RASA2: variants seen among roughly 807,000 people sequenced by gnomAD.
RASA2 encodes the protein RAS p21 protein activator 2.
RASA2 carries 155 observed loss-of-function variants against 118.2 expected under a neutral mutation model. The observed-to-expected ratio is 1.31, with a 90% CI of 1.15 to 1.50. The LOEUF (loss-of-function observed/expected upper bound fraction) is 1.50, where lower values mean the gene tolerates loss of function less well. RASA2 is among the 40% of genes most tolerant of loss of function. The pLI, the probability that RASA2 is intolerant of heterozygous loss-of-function variation, is 0.00. For missense variants in RASA2, 1,016 were observed against 1,009.6 expected, an observed-to-expected ratio of 1.01 and a Z score of -0.09; for synonymous variants, 353 against 349.1, an observed-to-expected ratio of 1.01 and a Z score of -0.12.
intron 3 of RASA2, among the ~76,000 whole-genome samples, chr3:141,527,082 C>T (rs764171613): frequency 2.0e-5 from 3 of 152,084 alleles, no homozygotes; most frequent in Non-Finnish European, 2.9e-5. Context: ...TTAGGGAAGC[C>T]TGGAAATCAA....
chr3:141,487,094 C>T lies in RASA2; in HGVS notation c.11C>T (p.Ala4Val), dbSNP rs1448250137. ...GGGCCGGGCGGCACCATGGCGGCGG[C>T]GGCGCCTGCTGCTGCGGCGGCTTCT... Reference protein sequence around the residue: MAAAAPAAAAASSE... With the variant: MAAVAPAAAAASSE... Residue 4 changes from alanine to valine, a missense_variant, in exon 1 of 24, where the codon GCG becomes GTG. Coordinates refer to ENST00000286364, the MANE Select transcript of RASA2 (RefSeq NM_006506.5). 21 of 1,374,532 alleles carry T rather than the reference C, an allele frequency of 1.5e-5. No homozygotes were observed. The African/African-American group carries it at 1.7e-4, about 11-fold the overall frequency. The allele number at this position is 1,374,532 out of a possible 1,614,324, so 85.1% of individuals were successfully genotyped here.
intron 17 of RASA2, among the ~76,000 whole-genome samples, chr3:141,584,503 A>G (rs2083168915): frequency 6.6e-6 from 1 of 152,182 alleles, no homozygotes; most frequent in Admixed American, 6.5e-5. Context: ...GATGGATACT[A>G]TAAATTTTCT....
chr3:141,549,956 T>C lies in RASA2; in HGVS notation c.528-3901T>C, dbSNP rs147272585. Among the ~76,000 whole-genome samples the C allele has an allele frequency of 8.4e-3, 1,278 of 152,264 alleles. 17 individuals are homozygous for C. Among genetic ancestry groups the C allele is most frequent in the Middle Eastern group, 0.027 (8 of 294 alleles). On this transcript the variant is annotated intron_variant, in intron 5 of 23. Transcript: ENST00000286364. ...ATAAATAATAATAGTGGATTAAAACTTATAGAATAAAATAAATATAAGCGA... is the reference window on the plus strand; with the variant it reads ...ATAAATAATAATAGTGGATTAAAACCTATAGAATAAAATAAATATAAGCGA...
intron 4 of RASA2, among the ~76,000 whole-genome samples, chr3:141,536,086 C>T (rs2082321541): frequency 6.6e-6 from 1 of 152,090 alleles, no homozygotes; most frequent in Non-Finnish European, 1.5e-5. Flanking sequence ...AATACTAAAT[C>T]TTCAAATAGT....
intron 18 of RASA2, 108 bp downstream of exon 18, chr3:141,586,206 A>G: frequency 9.9e-7 from 1 of 1,010,314 alleles, no homozygotes; most frequent in East Asian, 2.7e-5. Context: ...GTGCTGTGTT[A>G]GAACTGCCAA....
chr3:141,580,490 A>G, intron 16 of RASA2, 39 bp downstream of exon 16: 1 of 1,479,774 alleles, frequency 6.8e-7, no homozygotes, highest in Non-Finnish European at 9.3e-7. Context: ...TTACACTTCT[A>G]AATGTTGTTA....
intron 2 of RASA2, among the ~76,000 whole-genome samples, chr3:141,515,898 CAA>C (rs35995449): frequency 7.8e-5 from 8 of 102,596 alleles, no homozygotes; most frequent in Admixed American, 1.1e-4. Flanking sequence ...GACTCTGTCT[CAA>C]AAAAAAAAAA....
intron 3 of RASA2, chr3:141,525,227 A>G (rs888277891): frequency 6.6e-5 from 10 of 152,128 alleles, no homozygotes; most frequent in African/African-American, 2.4e-4. Context: ...TTTGGTTTTA[A>G]GCTCTTTCTG....
chr3:141,590,791 T>G (rs1422287913), intron 19 of RASA2, among the ~76,000 whole-genome samples: 1 of 152,240 alleles, frequency 6.6e-6, no homozygotes, highest in African/African-American at 2.4e-5. Flanking sequence ...TTCTGTCACT[T>G]AGTGTCAAAT....
intron 3 of RASA2, among the ~76,000 whole-genome samples, chr3:141,524,741 C>T (rs2082161322): frequency 6.6e-6 from 1 of 152,148 alleles, no homozygotes; most frequent in South Asian, 2.1e-4. Flanking sequence ...CAGGCGCACA[C>T]TGCCACGCTC....
At chr3:141,506,287 T>C (rs1471722253) in intron 1 of RASA2, among the ~76,000 whole-genome samples, 5 of 152,240 alleles carry the variant, frequency 3.3e-5, no homozygotes, top group Non-Finnish European at 5.9e-5. Flanking sequence ...GTGACAGTTG[T>C]ACACACAATC....
At chr3:141,550,552 C>G (rs967731359) in intron 5 of RASA2, among the ~76,000 whole-genome samples, 1 of 152,198 alleles carries the variant, frequency 6.6e-6, no homozygotes, top group African/African-American at 2.4e-5. Flanking sequence ...TTCTACAAAA[C>G]GTTAACATTT....
rs139078252 is a variant in RASA2 at position 141,488,166 on chromosome 3, A to AT, written c.133+960dup. On this transcript the variant is annotated intron_variant, in intron 1 of 23. Coordinates refer to ENST00000286364, the MANE Select transcript of RASA2 (RefSeq NM_006506.5). ...AACGACCCTTTGGTGTCAGGTTGCC[A>AT]TTTTTTTTTTCACAGTGGTTTATTT... is the stretch of plus-strand genomic sequence containing the variant. Among the ~76,000 whole-genome samples the AT allele has an allele frequency of 1.7e-3, 248 of 147,456 alleles. 7 individuals carry two copies. In the East Asian group the frequency reaches 0.026, roughly 15 times the overall value.
chr3:141,600,392 A>G (rs985158917), intron 19 of RASA2: 28 of 478,680 alleles, frequency 5.8e-5, no homozygotes, highest in Non-Finnish European at 9.0e-5. Flanking sequence ...CTTCTGCTCA[A>G]TGTTCAAGAT....
At chr3:141,526,831 A>G (rs2082192154) in intron 3 of RASA2, among the ~76,000 whole-genome samples, 1 of 152,210 alleles carries the variant, frequency 6.6e-6, no homozygotes, top group South Asian at 2.1e-4. Context: ...CTCTCATAGG[A>G]CAAGAAACAT....
intron 22 of RASA2, 59 bp downstream of exon 22, chr3:141,609,582 T>A: frequency 3.1e-6 from 4 of 1,301,830 alleles, no homozygotes; most frequent in Non-Finnish European, 4.3e-6. Context: ...TCCTAAAGTA[T>A]TGCTTTAGCA....
intron 2 of RASA2, among the ~76,000 whole-genome samples, chr3:141,515,957 A>T (rs1293518320): frequency 6.6e-6 from 1 of 150,576 alleles, no homozygotes; most frequent in African/African-American, 2.4e-5. Flanking sequence ...AAGACAAAAA[A>T]ACCAAACACC....
chr3:141,609,586 T>C (rs1410843273), intron 22 of RASA2, 63 bp downstream of exon 22: 2 of 1,273,154 alleles, frequency 1.6e-6, no homozygotes, highest in African/African-American at 1.5e-5. Context: ...AAAGTATTGC[T>C]TTAGCATTAT....
In RASA2 at chr3:141,555,829, C is replaced by T; in HGVS notation, c.612-11C>T. Reference sequence around the variant, plus strand: ...AGTTCTACAAGGTAAAACTCTACCACATTGGAACAGGAATGACCAAAAGAA... The same window carrying T: ...AGTTCTACAAGGTAAAACTCTACCATATTGGAACAGGAATGACCAAAAGAA... On this transcript the variant is annotated splice_polypyrimidine_tract_variant and intron_variant, in intron 6 of 23. Transcript: ENST00000286364. 1 of 1,607,354 alleles carries T rather than the reference C, an allele frequency of 6.2e-7. No individual in the cohort carries two copies.
Sources: gnomAD v4.1 joint callset for allele counts (sites outside exome capture counted in the v4.1 genomes callset) on GRCh38, gnomAD v4.1.1 for gene constraint, MANE v1.5 for transcripts, NCBI Gene and HGNC (gene_info 2026-07-23, HGNC 2026-07-21) for gene names.